CAMTA1: variants seen among roughly 807,000 people sequenced by gnomAD.
The protein encoded by CAMTA1 is calmodulin-binding transcription activator 1.
Under a neutral mutation model 170.9 loss-of-function variants are expected in CAMTA1, and 27 were observed. The ratio of observed to expected loss-of-function variants is 0.16; its 90% CI spans 0.12 to 0.22. The LOEUF (loss-of-function observed/expected upper bound fraction) is 0.22. Among genes scored for constraint, CAMTA1 ranks in the 10% least tolerant of loss-of-function variants. The pLI is 1.00. For missense variants in CAMTA1, 1,619 were observed against 2,217.2 expected, an observed-to-expected ratio of 0.73 and a Z score of 5.42; for synonymous variants, 833 against 891.5, an observed-to-expected ratio of 0.93 and a Z score of 1.17.
At chr1:7,747,253 T>C (rs2096863660) in intron 18 of CAMTA1, among the ~76,000 whole-genome samples, 1 of 152,216 alleles carries the variant, frequency 6.6e-6, no homozygotes, top group African/African-American at 2.4e-5. Flanking sequence ...CCTGAACTCC[T>C]AAAATTAAGC....
In CAMTA1 at chr1:7,010,679, C is replaced by T. The variant is rs942809789; in HGVS notation, c.235-80625C>T. 6.6e-6 allele frequency among the ~76,000 whole-genome samples: 1 copy of T among 152,174 alleles called. No individual in the cohort carries two copies. Among genetic ancestry groups the T allele is most frequent in the African/African-American group, 2.4e-5 (1 of 41,432 alleles). Reference sequence around the variant, plus strand: ...CCTGGCACCGAATAGGTGCTGTTTACGTGATAGCTTGTATGGTTGGCTCTC... The same window carrying T: ...CCTGGCACCGAATAGGTGCTGTTTATGTGATAGCTTGTATGGTTGGCTCTC... On this transcript the variant is annotated intron_variant, in intron 3 of 22. Transcript: ENST00000303635. This position sits in a 1 kb window ranked among gnomAD's most constrained non-coding sequence, Gnocchi z 4.4.
chr1:7,397,636 C>T (rs893973458), intron 5 of CAMTA1, among the ~76,000 whole-genome samples: 6 of 151,916 alleles, frequency 3.9e-5, no homozygotes, highest in Admixed American at 2.6e-4. Flanking sequence ...TTGATATAGG[C>T]ATTTATTGCT....
At chr1:6,924,140 A>G (rs1437440561) in intron 3 of CAMTA1, among the ~76,000 whole-genome samples, 3 of 152,262 alleles carry the variant, frequency 2.0e-5, no homozygotes, top group African/African-American at 2.4e-5. Flanking sequence ...TATTTATTGA[A>G]CACCTGCCAC....
chr1:7,481,623 C>T (rs145296798), intron 6 of CAMTA1, among the ~76,000 whole-genome samples: 318 of 152,288 alleles, frequency 2.1e-3, no homozygotes, highest in Middle Eastern at 3.4e-3. Flanking sequence ...TACACACACC[C>T]GTACAGCTGC....
At chr1:7,508,772 C>G (rs1401857945) in intron 6 of CAMTA1, among the ~76,000 whole-genome samples, 1 of 152,088 alleles carries the variant, frequency 6.6e-6, no homozygotes, top group Non-Finnish European at 1.5e-5. Flanking sequence ...GGAGAGGGAG[C>G]AGGAAGACAA....
In CAMTA1 at chr1:7,745,984, A is replaced by G; in HGVS notation, c.4510A>G (p.Ser1504Gly). 6.2e-7 allele frequency: 1 copy of G among 1,614,198 alleles called. No individual in the cohort carries two copies. Among genetic ancestry groups the G allele is most frequent in the East Asian group, 2.2e-5 (1 of 44,886 alleles). The change falls in exon 18 of 23, where the codon AGT becomes GGT. Residue 1504 changes from serine to glycine, a missense_variant. This residue lies in a region of CAMTA1 where 370 missense variants were observed against 429.4 expected (regional missense o/e 0.86). Transcript: ENST00000303635. ...DWSEFLSAST[S>G]EKVENEFAQL... The stretch of plus-strand genomic sequence containing the variant: ...GTCAGAATTCCTGAGTGCATCTACC[A>G]GTGAGAAGGTAGAGAATGAGTTTGC...
chr1:7,521,899 C>T (rs2094370839), intron 6 of CAMTA1, among the ~76,000 whole-genome samples: 1 of 152,300 alleles, frequency 6.6e-6, no homozygotes, highest in East Asian at 1.9e-4. Flanking sequence ...ATGGATGAAC[C>T]ACTATTGTTT....
chr1:7,273,409 T>G (rs1222460106), intron 5 of CAMTA1, among the ~76,000 whole-genome samples: 1 of 152,220 alleles, frequency 6.6e-6, no homozygotes, highest in Non-Finnish European at 1.5e-5. Context: ...AATGAGGCAC[T>G]GATAACATGC....
chr1:7,090,964 ATTG>A (rs1159886094), intron 3 of CAMTA1, among the ~76,000 whole-genome samples: 7 of 152,168 alleles, frequency 4.6e-5, no homozygotes, highest in Non-Finnish European at 8.8e-5. Flanking sequence ...ATCGTGGAGA[ATTG>A]TTGTTGTTGG....
At chr1:7,747,829 G>A (rs1487410935) in intron 19 of CAMTA1, 48 bp downstream of exon 19, 3 of 1,366,670 alleles carry the variant, frequency 2.2e-6, no homozygotes, top group Non-Finnish European at 3.1e-6. Flanking sequence ...CCCACCCAAG[G>A]CCACTGAAGA....
chr1:7,257,063 T>A (rs1667489556), intron 5 of CAMTA1, among the ~76,000 whole-genome samples: 1 of 126,678 alleles, frequency 7.9e-6, no homozygotes, highest in South Asian at 2.4e-4. Context: ...CACTTCCACA[T>A]ACCATCGCAT....
At position 7,224,236 on chromosome 1, in the gene CAMTA1, G is replaced by A. The variant is rs1661301683; in HGVS notation, c.303-25255G>A. ...TTGTCAGTCTCCTTTTACTGCAGGA[G>A]AGGCTGCAGGCTTAGCTGGAAACAT... On this transcript the variant is annotated intron_variant, in intron 4 of 22. Transcript: ENST00000303635. This position sits in a 1 kb window ranked among gnomAD's most constrained non-coding sequence, Gnocchi z 5.2. Among the ~76,000 whole-genome samples the A allele has an allele frequency of 6.6e-6, 1 of 152,192 alleles. No homozygotes were observed. The highest frequency in any genetic ancestry group is 6.5e-5 in the Admixed American group (1 of 15,274).
intron 5 of CAMTA1, among the ~76,000 whole-genome samples, chr1:7,461,458 G>A (rs556864654): frequency 6.6e-6 from 1 of 152,388 alleles, no homozygotes; most frequent in African/African-American, 2.4e-5. Flanking sequence ...CACTTGAAAT[G>A]TGGCTGCTGC....
At chr1:7,596,266 A>C (rs1042135362) in intron 6 of CAMTA1, among the ~76,000 whole-genome samples, 1 of 152,204 alleles carries the variant, frequency 6.6e-6, no homozygotes, top group Admixed American at 6.5e-5. Flanking sequence ...TGCCCCACCC[A>C]CTGCAATCCA....
chr1:7,354,111 A>G (rs190611865), intron 5 of CAMTA1, among the ~76,000 whole-genome samples: 1 of 151,556 alleles, frequency 6.6e-6, no homozygotes, highest in East Asian at 1.9e-4. Flanking sequence ...AAGGCTGCGT[A>G]GTATTCCACG....
At chr1:6,892,606 T>TA (rs1481770049) in intron 3 of CAMTA1, among the ~76,000 whole-genome samples, 2 of 151,486 alleles carry the variant, frequency 1.3e-5, no homozygotes, top group Non-Finnish European at 2.9e-5. Flanking sequence ...TCTTTTTTTT[T>TA]TTTTTTTTGC....
intron 5 of CAMTA1, among the ~76,000 whole-genome samples, chr1:7,415,619 T>C (rs2091107221): frequency 6.6e-6 from 1 of 152,216 alleles, no homozygotes; most frequent in Non-Finnish European, 1.5e-5. Context: ...TTGGTAGATC[T>C]TCCTCCATCC....
At position 7,234,430 on chromosome 1, in the gene CAMTA1, C is replaced by A. The variant is rs1663422450; in HGVS notation, c.303-15061C>A. ...CCCTTTCCCTCCTGCAGCTCTGGGGCCTGCCCAGGGCGGGCCTCTGTGCGT... is the reference window on the plus strand; with the variant it reads ...CCCTTTCCCTCCTGCAGCTCTGGGGACTGCCCAGGGCGGGCCTCTGTGCGT... On this transcript the variant is annotated intron_variant, in intron 4 of 22. Coordinates refer to ENST00000303635, the MANE Select transcript of CAMTA1 (RefSeq NM_015215.4). This position sits in a 1 kb window ranked among gnomAD's most constrained non-coding sequence, Gnocchi z 5.0. Among the ~76,000 whole-genome samples the A allele has an allele frequency of 6.6e-6, 1 of 152,220 alleles. No individual in the cohort carries two copies. Among genetic ancestry groups the A allele is most frequent in the African/African-American group, 2.4e-5 (1 of 41,472 alleles).
chr1:7,290,799 C>G (rs1673018992), intron 5 of CAMTA1, among the ~76,000 whole-genome samples: 1 of 152,088 alleles, frequency 6.6e-6, no homozygotes, highest in Non-Finnish European at 1.5e-5. Flanking sequence ...AATGAAACTC[C>G]CAATGAATAG....
Sources: allele counts gnomAD v4.1 joint callset (sites outside exome capture counted in the v4.1 genomes callset), GRCh38; gene constraint gnomAD v4.1.1; regional missense constraint gnomAD v4.1.1; non-coding constraint Gnocchi (gnomAD v3.1); transcripts MANE v1.5; gene names NCBI Gene and HGNC (gene_info 2026-07-23, HGNC 2026-07-21).